Variants in REDIC1 observed in about 807,000 individuals in gnomAD.
REDIC1 encodes regulator of DNA class I crossover intermediates 1.
At chr12:39,654,298 T>C in the REDIC1 span, among the ~76,000 whole-genome samples, 3 of 152,154 alleles carry the variant, frequency 2.0e-5, no homozygotes, top group African/African-American at 7.2e-5. Flanking sequence ...TGAAAACTGC[T>C]TGGTGTAGGC....
the REDIC1 span, among the ~76,000 whole-genome samples, chr12:39,671,691 A>G: frequency 4.7e-3 from 710 of 152,198 alleles, 2 homozygotes; most frequent in African/African-American, 0.016. Context: ...TGGCCTGGCT[A>G]GTCCCTAGGC....
At chr12:39,789,800 G>A in the REDIC1 span, among the ~76,000 whole-genome samples, 1 of 152,052 alleles carries the variant, frequency 6.6e-6, no homozygotes, top group Admixed American at 6.6e-5. Flanking sequence ...AAGAGCTTGA[G>A]CCCCCATTTC....
chr12:39,818,196 C>T, the REDIC1 span, among the ~76,000 whole-genome samples: 2 of 152,034 alleles, frequency 1.3e-5, no homozygotes, highest in Non-Finnish European at 2.9e-5. Flanking sequence ...CCACAGAGTT[C>T]CTAAAATCAT....
the REDIC1 span, among the ~76,000 whole-genome samples, chr12:39,701,303 C>T: frequency 6.6e-6 from 1 of 152,070 alleles, no homozygotes; most frequent in Non-Finnish European, 1.5e-5. Context: ...TCTGGTAAAA[C>T]AGACTTTAAA....
At chr12:39,839,841 T>C in the REDIC1 span, among the ~76,000 whole-genome samples, 3 of 152,082 alleles carry the variant, frequency 2.0e-5, no homozygotes, top group African/African-American at 4.8e-5. Context: ...ATCTGGATGT[T>C]TTCCAAGTGT....
chr12:39,705,338 AAAGC>A, the REDIC1 span, among the ~76,000 whole-genome samples: 2 of 152,092 alleles, frequency 1.3e-5, no homozygotes, highest in South Asian at 4.1e-4. Flanking sequence ...CCCAGGAAAT[AAAGC>A]CTGGGACTTG....
At chr12:39,738,945 A>G in the REDIC1 span, among the ~76,000 whole-genome samples, 1 of 152,160 alleles carries the variant, frequency 6.6e-6, no homozygotes, top group Non-Finnish European at 1.5e-5. Flanking sequence ...TCATTGCCAT[A>G]TACTAAGTTT....
At chr12:39,735,182 G>A in the REDIC1 span, among the ~76,000 whole-genome samples, 1 of 152,128 alleles carries the variant, frequency 6.6e-6, no homozygotes, top group Admixed American at 6.5e-5. Flanking sequence ...AGGACTAGGT[G>A]GTGGTCTGAA....
the REDIC1 span, among the ~76,000 whole-genome samples, chr12:39,737,295 G>A: frequency 1.6e-4 from 25 of 152,244 alleles, no homozygotes; most frequent in East Asian, 4.2e-3. Flanking sequence ...CTTTGTTTAC[G>A]TTAGCTATGT....
At chr12:39,684,342 T>C in the REDIC1 span, 1 of 807,764 alleles carries the variant, frequency 1.2e-6, no homozygotes, top group South Asian at 5.6e-5. Flanking sequence ...TGGTAATAAT[T>C]ACAATTTAGC....
At chr12:39,902,646 C>G in the REDIC1 span, among the ~76,000 whole-genome samples, 33 of 152,078 alleles carry the variant, frequency 2.2e-4, no homozygotes, top group Non-Finnish European at 4.4e-4. Context: ...TTGAACATTT[C>G]AGTGGTAAAG....
chr12:39,653,933 A>T, the REDIC1 span, among the ~76,000 whole-genome samples: 1 of 147,910 alleles, frequency 6.8e-6, no homozygotes, highest in Non-Finnish European at 1.5e-5. Flanking sequence ...TTAAAGTATG[A>T]TGTTAGCTAT....
the REDIC1 span, among the ~76,000 whole-genome samples, chr12:39,812,367 CTTTTCTTTTCT>C: frequency 1.4e-5 from 2 of 142,534 alleles, no homozygotes; most frequent in African/African-American, 5.4e-5. Context: ...CTTTTCTTTT[CTTTTCTTTTCT>C]TTTCTTTCTT....
chr12:39,862,610 C>T, the REDIC1 span, among the ~76,000 whole-genome samples: 12 of 152,174 alleles, frequency 7.9e-5, no homozygotes, highest in Non-Finnish European at 1.8e-4. Context: ...GGAAAGCATA[C>T]TATCTACATT....
the REDIC1 span, among the ~76,000 whole-genome samples, chr12:39,839,029 C>G: frequency 1.3e-5 from 2 of 152,030 alleles, no homozygotes; most frequent in African/African-American, 2.4e-5. Context: ...TGTGCTCACT[C>G]ACTCCTTCTT....
At chr12:39,758,755 C>A in the REDIC1 span, 5 of 151,004 alleles carry the variant, frequency 3.3e-5, no homozygotes, top group African/African-American at 9.7e-5. Context: ...AAAAACTAAG[C>A]CAAGAATAAG....
At chr12:39,850,275 T>C in the REDIC1 span, among the ~76,000 whole-genome samples, 2 of 152,204 alleles carry the variant, frequency 1.3e-5, no homozygotes, top group African/African-American at 2.4e-5. Context: ...TGTATTGATA[T>C]ATTTTTCAAC....
At chr12:39,877,216 G>A in the REDIC1 span, among the ~76,000 whole-genome samples, 1 of 152,122 alleles carries the variant, frequency 6.6e-6, no homozygotes, top group Non-Finnish European at 1.5e-5. Context: ...ATAAAAAGAG[G>A]TTGAATGGAC....
the REDIC1 span, among the ~76,000 whole-genome samples, chr12:39,905,517 T>G: frequency 6.6e-6 from 1 of 152,170 alleles, no homozygotes; most frequent in Non-Finnish European, 1.5e-5. Flanking sequence ...CTTTCTCATT[T>G]ACAAATATGG....
Sources: allele counts gnomAD v4.1 joint callset (sites outside exome capture counted in the v4.1 genomes callset), GRCh38; gene constraint gnomAD v4.1.1; transcripts MANE v1.5; gene names NCBI Gene and HGNC (gene_info 2026-07-23, HGNC 2026-07-21).